Variants in LRRIQ1 observed in about 807,000 individuals in gnomAD.
LRRIQ1 encodes the protein leucine-rich repeat- and IQ domain-containing protein 1.
A neutral mutation model predicts 211.9 loss-of-function variants in LRRIQ1; 210 were observed. That is an observed-to-expected ratio of 0.99 (90% CI 0.89 to 1.11). LRRIQ1 has a LOEUF of 1.11. Ranked by LOEUF, LRRIQ1 falls within the 50% of genes most tolerant of loss-of-function variation. The pLI, the probability that LRRIQ1 is intolerant of heterozygous loss-of-function variation, is 0.00. For missense variants in LRRIQ1, 2,136 were observed against 1,939.5 expected, an observed-to-expected ratio of 1.10 and a Z score of -1.90; for synonymous variants, 699 against 650.1, an observed-to-expected ratio of 1.08 and a Z score of -1.14.
At chr12:85,148,954 A>G (rs1014091727) in intron 19 of LRRIQ1, among the ~76,000 whole-genome samples, 1 of 151,930 alleles carries the variant, frequency 6.6e-6, no homozygotes, top group East Asian at 1.9e-4. Context: ...TCTTCTTTTG[A>G]GAAGTGTCTG....
At chr12:85,254,712 A>G (rs1896040176) in intron 1 of LRRIQ1, among the ~76,000 whole-genome samples, 1 of 152,062 alleles carries the variant, frequency 6.6e-6, no homozygotes, top group African/African-American at 2.4e-5. Flanking sequence ...CTTAGAGAAA[A>G]TGTCATTTAG....
At chr12:85,138,944 G>C (rs1044565941) in intron 19 of LRRIQ1, among the ~76,000 whole-genome samples, 25 of 151,586 alleles carry the variant, frequency 1.6e-4, no homozygotes, top group African/African-American at 5.8e-4. Flanking sequence ...TGGAGTTCTA[G>C]TTAATTTTTT....
chr12:85,056,910 C>A lies in LRRIQ1; in HGVS notation c.2117C>A (p.Ser706Tyr), dbSNP rs754582425. 6 of 1,613,118 alleles carry A rather than the reference C, an allele frequency of 3.7e-6. No individual in the cohort carries two copies. Among genetic ancestry groups the A allele is most frequent in the Non-Finnish European group, 5.1e-6 (6 of 1,179,490 alleles). The change falls in exon 8 of 27, where the codon TCT becomes TAT. Residue 706 changes from serine to tyrosine, a missense_variant. Physicochemically the swap from Ser to Tyr is moderately radical, Grantham distance 144 (BLOSUM62 -2). Coordinates refer to ENST00000393217, the MANE Select transcript of LRRIQ1 (RefSeq NM_001079910.2). ...MVSKEVNSLK[S>Y]EIRNISEKCH... ...TCTAAAGAAGTCAACTCTCTTAAAT[C>A]TGAGATTAGAAATATTTCAGAAAAA...
intron 8 of LRRIQ1, among the ~76,000 whole-genome samples, chr12:85,062,334 C>T (rs572727601): frequency 8.7e-4 from 132 of 151,794 alleles, no homozygotes; most frequent in African/African-American, 3.0e-3. Context: ...GGTAGTTTTT[C>T]GACTCTTGTC....
chr12:85,144,949 T>G (rs913844548), intron 19 of LRRIQ1, among the ~76,000 whole-genome samples: 1 of 151,556 alleles, frequency 6.6e-6, no homozygotes, highest in Admixed American at 6.6e-5. Context: ...TTGTTTTTTG[T>G]TTTTTTGTTT....
At chr12:85,239,434 T>C (rs1895359437) in intron 26 of LRRIQ1, among the ~76,000 whole-genome samples, 1 of 149,972 alleles carries the variant, frequency 6.7e-6, no homozygotes, top group South Asian at 2.1e-4. Context: ...TATTTATATA[T>C]GTGTTAAGAT....
At chr12:85,150,829 AT>A (rs1312518523) in intron 19 of LRRIQ1, among the ~76,000 whole-genome samples, 4 of 151,698 alleles carry the variant, frequency 2.6e-5, no homozygotes, top group African/African-American at 9.7e-5. Flanking sequence ...TGAAATTTGA[AT>A]TTTTAATTGA....
downstream of LRRIQ1, among the ~76,000 whole-genome samples, chr12:85,249,034 T>C (rs1460444279): frequency 6.6e-6 from 1 of 151,816 alleles, no homozygotes; most frequent in Non-Finnish European, 1.5e-5. Flanking sequence ...TTTAGAAAAC[T>C]AAACTATTTG....
chr12:85,121,896 A>T lies in LRRIQ1; in HGVS notation c.3557+20A>T. The T allele has an allele frequency of 1.3e-6, 2 of 1,535,900 alleles. No individual in the cohort carries two copies. Among genetic ancestry groups the T allele is most frequent in the Non-Finnish European group, 1.8e-6 (2 of 1,130,384 alleles). On this transcript the variant is annotated intron_variant, in intron 16 of 26. Transcript: ENST00000393217. The stretch of plus-strand genomic sequence containing the variant: ...AAAAGGGTAAGATTGTGATCTTCCC[A>T]TTGATGTATTTAGAATCAATAATGT...
intron 8 of LRRIQ1, 62 bp from the exon 9 acceptor site, chr12:85,065,200 T>G (rs1882301220): frequency 3.0e-6 from 4 of 1,354,510 alleles, no homozygotes; most frequent in Non-Finnish European, 3.0e-6. Context: ...GTAAGGCTAA[T>G]ATTGTTTATA....
At chr12:85,202,886 A>G (rs941519652) in intron 24 of LRRIQ1, among the ~76,000 whole-genome samples, 4 of 152,104 alleles carry the variant, frequency 2.6e-5, no homozygotes, top group Admixed American at 6.5e-5. Context: ...TCACTGGCCT[A>G]TGTACTTAAG....
intron 25 of LRRIQ1, among the ~76,000 whole-genome samples, chr12:85,231,008 A>G (rs1300082707): frequency 6.6e-6 from 1 of 152,028 alleles, no homozygotes; most frequent in Non-Finnish European, 1.5e-5. Flanking sequence ...AGATCGTGCC[A>G]CTGCACTCCA....
chr12:85,205,683 G>A (rs372020485), intron 24 of LRRIQ1, among the ~76,000 whole-genome samples: 1 of 152,186 alleles, frequency 6.6e-6, no homozygotes, highest in South Asian at 2.1e-4. Flanking sequence ...ATGATATGCT[G>A]AAATATGTTT....
At chr12:85,195,791 C>G (rs1289195628) in intron 24 of LRRIQ1, among the ~76,000 whole-genome samples, 2 of 152,170 alleles carry the variant, frequency 1.3e-5, no homozygotes, top group African/African-American at 2.4e-5. Flanking sequence ...TCTCTCACCA[C>G]TCCTATTCAA....
At chr12:85,045,988 C>T (rs754777002) in intron 4 of LRRIQ1, 32 bp from the exon 5 acceptor site, 6 of 1,252,454 alleles carry the variant, frequency 4.8e-6, no homozygotes, top group East Asian at 2.3e-5. Context: ...TTTTGATTTT[C>T]TTTAATCATT....
At chr12:85,206,041 A>G (rs1241513023) in intron 24 of LRRIQ1, among the ~76,000 whole-genome samples, 1 of 152,196 alleles carries the variant, frequency 6.6e-6, no homozygotes, top group Non-Finnish European at 1.5e-5. Flanking sequence ...AACACTCTGA[A>G]GGATGGTGCT....
intron 11 of LRRIQ1, among the ~76,000 whole-genome samples, chr12:85,093,873 C>T (rs1885633760): frequency 6.6e-6 from 1 of 152,296 alleles, no homozygotes; most frequent in East Asian, 1.9e-4. Flanking sequence ...CCTATCTCAG[C>T]TTTCAAAAGA....
chr12:85,227,820 A>G (rs995084087), intron 24 of LRRIQ1, among the ~76,000 whole-genome samples: 1 of 152,204 alleles, frequency 6.6e-6, no homozygotes, highest in Non-Finnish European at 1.5e-5. Flanking sequence ...GTACCAAAAC[A>G]GAGATATAGA....
chr12:85,260,582 C>G (rs1001463326), intron 1 of LRRIQ1, among the ~76,000 whole-genome samples: 1 of 152,008 alleles, frequency 6.6e-6, no homozygotes, highest in African/African-American at 2.4e-5. Flanking sequence ...TGTAAAGTTA[C>G]TTCATTAGTT....
Sources: gnomAD v4.1 joint callset for allele counts (sites outside exome capture counted in the v4.1 genomes callset) on GRCh38, gnomAD v4.1.1 for gene constraint, MANE v1.5 for transcripts, NCBI Gene and HGNC (gene_info 2026-07-23, HGNC 2026-07-21) for gene names.